The following RREB1 variants were observed in gnomAD, a reference collection of about 807,000 sequenced individuals.
RREB1 encodes the protein ras-responsive element-binding protein 1.
Under a neutral mutation model 117.8 loss-of-function variants are expected in RREB1, and 27 were observed. The observed-to-expected ratio is 0.23, with a 90% CI of 0.17 to 0.32. The LOEUF (loss-of-function observed/expected upper bound fraction) is 0.32, where lower values mean the gene tolerates loss of function less well. Among genes scored for constraint, RREB1 ranks in the 10% least tolerant of loss-of-function variants. The pLI is 1.00. For synonymous variants in RREB1, 1,298 were observed against 1,026.7 expected (o/e 1.26, Z -5.05); for missense variants, 2,577 against 2,378.2 (o/e 1.08, Z -1.74).
At chr6:7,242,006 A>T (rs1340313171) in intron 11 of RREB1, among the ~76,000 whole-genome samples, 1 of 152,178 alleles carries the variant, frequency 6.6e-6, no homozygotes, top group Non-Finnish European at 1.5e-5. Flanking sequence ...CCATCCTGTT[A>T]ATGTTTAACC....
rs1278811609 is a variant in RREB1 at position 7,231,642 on chromosome 6, C to T, written c.3543C>T (p.Ile1181=). 6.2e-7 allele frequency: 1 copy of T among 1,611,354 alleles called. No homozygotes were observed. Among genetic ancestry groups the T allele is most frequent in the Non-Finnish European group, 8.5e-7 (1 of 1,179,004 alleles). The change falls in exon 10 of 13, where the codon ATC becomes ATT. Residue 1181 remains isoleucine (I), a synonymous_variant. Coordinates refer to ENST00000379938, the MANE Select transcript of RREB1 (RefSeq NM_001003699.4). Reference sequence around the variant, plus strand: ...ACTCCAGCGGGGAGTTTGCCAGCATCGAGAAGATGCTGGCCACCACAGACA... The same window carrying T: ...ACTCCAGCGGGGAGTTTGCCAGCATTGAGAAGATGCTGGCCACCACAGACA... ...DLDSSGEFAS[I]EKMLATTDTN... is the part of the protein sequence containing the mutation.
Position 7,229,885 on chromosome 6 carries a change from C to G in RREB1, c.1786C>G (p.Leu596Val). 1.9e-6 allele frequency: 3 copies of G among 1,610,490 alleles called. No individual in the cohort carries two copies. The highest frequency in any genetic ancestry group is 2.5e-6 in the Non-Finnish European group (3 of 1,178,370). The change falls in exon 10 of 13, where the codon CTG becomes GTG. Residue 596 changes from leucine to valine, a missense_variant. Coordinates refer to ENST00000379938, the MANE Select transcript of RREB1 (RefSeq NM_001003699.4). This position sits in a 1 kb window ranked among gnomAD's most constrained non-coding sequence, Gnocchi z 4.5. Reference sequence around the variant, plus strand: ...GGGCCAGCCTGAGATGAAGACGCAGCTGGAGCAGGACAGCATCATCGAGGC... The same window carrying G: ...GGGCCAGCCTGAGATGAAGACGCAGGTGGAGCAGGACAGCATCATCGAGGC... Reference protein sequence around the residue: ...LPGQPEMKTQLEQDSIIEALL... With the variant: ...LPGQPEMKTQVEQDSIIEALL...
chr6:7,167,990 G>A (rs1180156979), intron 1 of RREB1, among the ~76,000 whole-genome samples: 1 of 152,090 alleles, frequency 6.6e-6, no homozygotes, highest in Non-Finnish European at 1.5e-5. Context: ...GCTGGGCACG[G>A]TGGTTCACGC....
intron 1 of RREB1, among the ~76,000 whole-genome samples, chr6:7,123,405 G>A (rs1344516535): frequency 6.6e-6 from 1 of 152,054 alleles, no homozygotes; most frequent in Non-Finnish European, 1.5e-5. Context: ...CAGGCAGTCC[G>A]CCCGTCTCAG....
chr6:7,191,721 G>A (rs1765419038), intron 6 of RREB1, among the ~76,000 whole-genome samples: 1 of 151,996 alleles, frequency 6.6e-6, no homozygotes, highest in Admixed American at 6.5e-5. Flanking sequence ...ATTATTTTTG[G>A]CACTATTATA....
chr6:7,249,110 A>G lies in RREB1; in HGVS notation c.*142A>G, dbSNP rs150028450. 38 of 720,634 alleles carry G rather than the reference A, an allele frequency of 5.3e-5. No individual in the cohort carries two copies. The highest frequency in any genetic ancestry group is 3.9e-4 in the Middle Eastern group (1 of 2,546). The allele number at this position is 720,634 out of a possible 1,614,324, so 44.6% of individuals were successfully genotyped here. ...GAGAGAGAGAGAGAGAGAGACAAGC[A>G]GGAGCGTGGCTGCTCGCTCAGTGCC... On this transcript the variant is annotated 3_prime_UTR_variant, in exon 13 of 13. Coordinates refer to ENST00000379938, the MANE Select transcript of RREB1 (RefSeq NM_001003699.4).
At chr6:7,217,779 T>G in intron 8 of RREB1, 1 of 152,238 alleles carries the variant, frequency 6.6e-6, no homozygotes, top group Middle Eastern at 3.4e-3. Flanking sequence ...AAATTAAAAT[T>G]TTTAGATATT....
At chr6:7,162,963 C>T (rs1763742634) in intron 1 of RREB1, among the ~76,000 whole-genome samples, 1 of 152,116 alleles carries the variant, frequency 6.6e-6, no homozygotes, top group Non-Finnish European at 1.5e-5. Context: ...GATCCTCCCA[C>T]CTCAGCTTCC....
rs201552234 is a variant in RREB1, at chr6:7,230,887, T to G, written c.2788T>G (p.Cys930Gly). 1.4e-4 allele frequency: 224 copies of G among 1,614,064 alleles called. No homozygotes were observed. Among genetic ancestry groups the G allele is most frequent in the Non-Finnish European group, 1.8e-4 (207 of 1,180,024 alleles). Residue 930 changes from cysteine (C) to glycine (G), a missense_variant, in exon 10 of 13, where the codon TGC becomes GGC. By Grantham distance (159) the Cys-to-Gly change is radical. Coordinates refer to ENST00000379938, the MANE Select transcript of RREB1 (RefSeq NM_001003699.4). ...CCCTTCTTCCCTGGTCCCCTATGAC[T>G]GCTCCATGGAGCCCATCGACCTGTC... The part of the protein sequence containing the change: ...LSPSSLVPYD[C>G]SMEPIDLSIP...
intron 1 of RREB1, among the ~76,000 whole-genome samples, chr6:7,126,877 C>CT (rs1761959635): frequency 2.6e-5 from 4 of 152,122 alleles, no homozygotes; most frequent in African/African-American, 4.8e-5. Context: ...CCCTAAAACT[C>CT]GTCAGTGCCT....
intron 2 of RREB1, among the ~76,000 whole-genome samples, chr6:7,180,647 A>G (rs1050092987): frequency 2.0e-5 from 3 of 152,252 alleles, no homozygotes; most frequent in Non-Finnish European, 4.4e-5. Context: ...GCCATGGGCC[A>G]TAGTTTTCCC....
In RREB1 at chr6:7,246,649, C is replaced by A; in HGVS notation, c.4199C>A (p.Thr1400Asn). Reference sequence around the variant, plus strand: ...GAGGAGCATGGCACTGAGGAGAGCACTGGGGACGCCGACGGCGCGGAAGAG... The same window carrying A: ...GAGGAGCATGGCACTGAGGAGAGCAATGGGGACGCCGACGGCGCGGAAGAG... ...PEEEHGTEES[T>N]GDADGAEEDA... is the part of the protein sequence containing the mutation. Residue 1400 changes from threonine (T) to asparagine (N), a missense_variant, in exon 12 of 13, where the codon ACT (threonine) becomes AAT (asparagine). Physicochemically the swap from Thr to Asn is moderately conservative, Grantham distance 65. Coordinates refer to ENST00000379938, the MANE Select transcript of RREB1 (RefSeq NM_001003699.4). The A allele has an allele frequency of 1.3e-6, 2 of 1,575,436 alleles. No homozygotes were observed. Among genetic ancestry groups the A allele is most frequent in the Non-Finnish European group, 1.7e-6 (2 of 1,160,672 alleles).
At chr6:7,225,450 T>A (rs1767526981) in intron 8 of RREB1, among the ~76,000 whole-genome samples, 1 of 152,208 alleles carries the variant, frequency 6.6e-6, no homozygotes, top group Admixed American at 6.5e-5. Flanking sequence ...GATAATACCA[T>A]AACGATGGTA....
chr6:7,186,456 C>T (rs1765086529), intron 4 of RREB1, among the ~76,000 whole-genome samples: 1 of 152,190 alleles, frequency 6.6e-6, no homozygotes, highest in African/African-American at 2.4e-5. Context: ...GAAACCAACC[C>T]CCCAGGTGAT....
At chr6:7,162,987 C>G (rs1763743193) in intron 1 of RREB1, among the ~76,000 whole-genome samples, 1 of 152,072 alleles carries the variant, frequency 6.6e-6, no homozygotes, top group Non-Finnish European at 1.5e-5. Flanking sequence ...GTAGCTGGGA[C>G]TACAGGTACC....
At chr6:7,212,043 CA>C in intron 8 of RREB1, 1 of 311,266 alleles carries the variant, frequency 3.2e-6, no homozygotes, top group Non-Finnish European at 6.1e-6. Context: ...AAAGATGTTG[CA>C]ACTCAAATGA....
chr6:7,230,396 G>T lies in RREB1; in HGVS notation c.2297G>T (p.Arg766Leu), dbSNP rs747952726. 6.3e-7 allele frequency: 1 copy of T among 1,592,648 alleles called. No homozygotes were observed. Among genetic ancestry groups the T allele is most frequent in the South Asian group, 1.1e-5 (1 of 90,450 alleles). ...TGCGGCGAGGACCTCAAGCACTATC[G>T]TGCCCTGCGCATCCACATGCGCACG... ...RLCGEDLKHY[R>L]ALRIHMRTHC... The change falls in exon 10 of 13, where the codon CGT (arginine) becomes CTT (leucine). Residue 766 changes from arginine to leucine, a missense_variant. Arg to Leu is a moderately radical substitution (Grantham distance 102). Transcript: ENST00000379938.
In RREB1 at chr6:7,230,487, C is replaced by G. The variant is rs34313748; in HGVS notation, c.2388C>G (p.Ser796Arg). 3.8e-6 allele frequency: 6 copies of G among 1,593,404 alleles called. No homozygotes were observed. In the East Asian group the frequency reaches 9.0e-5, roughly 24 times the overall value. ...AGCCCTTCGAGTGCAAGGAGTGCAGCGCCGCGTTCGCGGCCAAGCGCAACT... is the reference window on the plus strand; with the variant it reads ...AGCCCTTCGAGTGCAAGGAGTGCAGGGCCGCGTTCGCGGCCAAGCGCAACT... ...GRKPFECKECSAAFAAKRNCI... is the reference protein window; with the variant it reads ...GRKPFECKECRAAFAAKRNCI... Residue 796 changes from serine to arginine, a missense_variant, in exon 10 of 13, where the codon AGC becomes AGG. Ser to Arg is a moderately radical substitution (Grantham distance 110, BLOSUM62 -1). Transcript: ENST00000379938.
intron 6 of RREB1, among the ~76,000 whole-genome samples, chr6:7,200,871 T>C (rs1765935608): frequency 6.6e-6 from 1 of 152,244 alleles, no homozygotes; most frequent in Non-Finnish European, 1.5e-5. Flanking sequence ...TTAGCAGAGT[T>C]GTTGTCAGTT....
Sources: allele counts gnomAD v4.1 joint callset (sites outside exome capture counted in the v4.1 genomes callset), GRCh38; gene constraint gnomAD v4.1.1; non-coding constraint Gnocchi (gnomAD v3.1); transcripts MANE v1.5; gene names NCBI Gene and HGNC (gene_info 2026-07-23, HGNC 2026-07-21).